The following ADAMTS6 variants were observed in gnomAD, a reference collection of about 807,000 sequenced individuals.
ADAMTS6 encodes the protein ADAM metallopeptidase with thrombospondin type 1 motif 6.
In ADAMTS6, 23 loss-of-function variants were observed where a neutral mutation model predicts 144.3. The ratio of observed to expected loss-of-function variants is 0.16; its 90% CI spans 0.11 to 0.23. The LOEUF (loss-of-function observed/expected upper bound fraction) is 0.23. ADAMTS6 is among the 10% of genes least tolerant of loss of function. The pLI is 1.00. For synonymous variants in ADAMTS6, 444 were observed against 457.5 expected (o/e 0.97, Z 0.38); for missense variants, 999 against 1,379.6 (o/e 0.72, Z 4.37).
At chr5:65,321,078 G>C (rs1745565877) in intron 9 of ADAMTS6, among the ~76,000 whole-genome samples, 1 of 152,218 alleles carries the variant, frequency 6.6e-6, no homozygotes, top group Non-Finnish European at 1.5e-5. Context: ...TAATGGGAAT[G>C]CTGGGTTGAA....
At chr5:65,466,030 T>C (rs1759971241) in intron 3 of ADAMTS6, among the ~76,000 whole-genome samples, 1 of 152,198 alleles carries the variant, frequency 6.6e-6, no homozygotes, top group South Asian at 2.1e-4. Flanking sequence ...CTATACAACA[T>C]CTCACGTTTA....
intron 11 of ADAMTS6, among the ~76,000 whole-genome samples, chr5:65,283,519 T>C (rs1763145084): frequency 6.6e-6 from 1 of 152,084 alleles, no homozygotes; most frequent in South Asian, 2.1e-4. Flanking sequence ...TAGTAATCTT[T>C]AAAGATACAA....
intron 15 of ADAMTS6, among the ~76,000 whole-genome samples, chr5:65,234,298 A>G (rs1168944047): frequency 6.6e-6 from 1 of 151,938 alleles, no homozygotes; most frequent in Non-Finnish European, 1.5e-5. Context: ...ATGTCAAACT[A>G]AAAAGTTTCT....
intron 11 of ADAMTS6, among the ~76,000 whole-genome samples, chr5:65,277,256 G>A (rs1762614954): frequency 6.6e-6 from 1 of 152,134 alleles, no homozygotes; most frequent in African/African-American, 2.4e-5. Flanking sequence ...AATCTGCTAT[G>A]CACCAGGCAT....
intron 3 of ADAMTS6, among the ~76,000 whole-genome samples, chr5:65,464,793 A>T (rs1308978949): frequency 6.6e-6 from 1 of 152,168 alleles, no homozygotes; most frequent in Admixed American, 6.5e-5. Flanking sequence ...GATTTCAAGT[A>T]TCCCATTCTT....
chr5:65,429,044 C>G (rs1216029970), intron 7 of ADAMTS6, among the ~76,000 whole-genome samples: 1 of 152,176 alleles, frequency 6.6e-6, no homozygotes, highest in African/African-American at 2.4e-5. Flanking sequence ...GAAGATCTCT[C>G]TGATCTCCTC....
chr5:65,428,647 T>C (rs1350345769), intron 7 of ADAMTS6, among the ~76,000 whole-genome samples: 2 of 152,186 alleles, frequency 1.3e-5, no homozygotes, highest in African/African-American at 2.4e-5. Flanking sequence ...CATTTAAGAA[T>C]TTATTTTGCA....
chr5:65,471,610 T>C (rs1760444072), intron 2 of ADAMTS6, among the ~76,000 whole-genome samples: 1 of 151,988 alleles, frequency 6.6e-6, no homozygotes, highest in Non-Finnish European at 1.5e-5. Context: ...ACAAAAAAAT[T>C]ATCCGGGCGT....
intron 21 of ADAMTS6, among the ~76,000 whole-genome samples, chr5:65,189,494 G>T (rs1399686589): frequency 6.6e-6 from 1 of 152,162 alleles, no homozygotes; most frequent in Non-Finnish European, 1.5e-5. Flanking sequence ...AGCCTGGGTG[G>T]TGTGTGAGTC....
At chr5:65,159,460 G>A (rs190942356) in intron 24 of ADAMTS6, among the ~76,000 whole-genome samples, 53 of 152,072 alleles carry the variant, frequency 3.5e-4, no homozygotes, top group African/African-American at 1.2e-3. Context: ...CCAACCCACC[G>A]CAGCGATAGC....
intron 24 of ADAMTS6, among the ~76,000 whole-genome samples, chr5:65,152,155 T>TA (rs1421156323): frequency 3.3e-5 from 5 of 152,278 alleles, no homozygotes; most frequent in South Asian, 2.1e-4. Flanking sequence ...TAACACAATT[T>TA]AAAAAAATGT....
At chr5:65,434,451 A>G (rs867024149) in intron 7 of ADAMTS6, among the ~76,000 whole-genome samples, 4 of 152,192 alleles carry the variant, frequency 2.6e-5, no homozygotes, top group African/African-American at 9.7e-5. Context: ...TATGGTGTGT[A>G]AATTGTATGG....
At chr5:65,418,891 C>A (rs6875208) in intron 7 of ADAMTS6, among the ~76,000 whole-genome samples, 7,999 of 151,770 alleles carry the variant, frequency 0.053, 411 homozygotes, top group African/African-American at 0.14. Context: ...TTAAAAAAAC[C>A]AAAACAACAA....
chr5:65,301,436 T>C (rs1346957196), intron 9 of ADAMTS6, among the ~76,000 whole-genome samples: 1 of 152,112 alleles, frequency 6.6e-6, no homozygotes, highest in Non-Finnish European at 1.5e-5. Flanking sequence ...GAAAGGTAGT[T>C]GGGAATAGGT....
chr5:65,480,262 C>G (rs1417200070), intron 1 of ADAMTS6, among the ~76,000 whole-genome samples: 1 of 152,116 alleles, frequency 6.6e-6, no homozygotes, highest in East Asian at 1.9e-4. Flanking sequence ...TTTTAAAGTT[C>G]CAAGCAATGG....
rs563398955 is a variant in ADAMTS6, at chr5:65,197,274, T to C, written c.2576-123A>G. ...TCGCTGCCGTCTTATCTGTTCCACATTGGACTGCTTCTCTAAAATGGAGAG... is the reference window on the plus strand; with the variant it reads ...TCGCTGCCGTCTTATCTGTTCCACACTGGACTGCTTCTCTAAAATGGAGAG... On this transcript the variant is annotated intron_variant, in intron 20 of 24. Coordinates refer to ENST00000381055, the MANE Select transcript of ADAMTS6 (RefSeq NM_197941.4). 7.0e-6 allele frequency: 6 copies of C among 857,806 alleles called. No individual in the cohort carries two copies. In the South Asian group the frequency reaches 1.6e-4, roughly 22 times the overall value. 53.1% of individuals were successfully genotyped at this position (857,806 alleles called of 1,614,324 possible).
intron 15 of ADAMTS6, among the ~76,000 whole-genome samples, chr5:65,230,209 T>C (rs1371744126): frequency 6.7e-6 from 1 of 149,366 alleles, no homozygotes; most frequent in Non-Finnish European, 1.5e-5. Flanking sequence ...GGTAAGTTGC[T>C]AATAGCTTAA....
At chr5:65,187,351 C>A (rs1754733664) in intron 22 of ADAMTS6, among the ~76,000 whole-genome samples, 1 of 152,058 alleles carries the variant, frequency 6.6e-6, no homozygotes, top group South Asian at 2.1e-4. Context: ...TTGTACACAT[C>A]TATGCCAAGA....
chr5:65,265,039 T>G (rs994085323), intron 12 of ADAMTS6, among the ~76,000 whole-genome samples: 2 of 152,112 alleles, frequency 1.3e-5, no homozygotes, highest in African/African-American at 4.8e-5. Context: ...CAATGAGCTG[T>G]GCTAGTTGTA....
Sources: gnomAD v4.1 joint callset for allele counts (sites outside exome capture counted in the v4.1 genomes callset) on GRCh38, gnomAD v4.1.1 for gene constraint, MANE v1.5 for transcripts, NCBI Gene and HGNC (gene_info 2026-07-23, HGNC 2026-07-21) for gene names.